Variants in FOCAD observed in about 807,000 individuals in gnomAD.
The protein encoded by FOCAD is KIAA1797.
A neutral mutation model predicts 225.6 loss-of-function variants in FOCAD; 198 were observed. The observed-to-expected ratio is 0.88, with a 90% confidence interval of 0.78 to 0.99. FOCAD has a LOEUF of 0.99. FOCAD is among the 50% of genes least tolerant of loss of function. The pLI, the probability that FOCAD is intolerant of heterozygous loss-of-function variation, is 0.00. For synonymous variants in FOCAD, 897 were observed against 755.0 expected (o/e 1.19, Z -3.08); for missense variants, 2,713 against 2,123.6 (o/e 1.28, Z -5.46).
chr9:20,821,764 G>C lies in FOCAD; in HGVS notation c.1793+693G>C, dbSNP rs139511705. On this transcript the variant is annotated intron_variant, in intron 14 of 43. Transcript: ENST00000338382. ...GTCCTGCAGTTTCATTTGTTGATCAGCCACTGCGTTGAATTCCTGGTAACG... is the reference window on the plus strand; with the variant it reads ...GTCCTGCAGTTTCATTTGTTGATCACCCACTGCGTTGAATTCCTGGTAACG... Among the ~76,000 whole-genome samples, 7 of 152,016 alleles carry C rather than the reference G, an allele frequency of 4.6e-5. No individual in the cohort carries two copies. In the East Asian group the frequency reaches 1.4e-3, roughly 29 times the overall value.
intron 4 of FOCAD, among the ~76,000 whole-genome samples, chr9:20,735,383 T>A (rs1354809001): frequency 6.6e-6 from 1 of 152,202 alleles, no homozygotes; most frequent in Non-Finnish European, 1.5e-5. Flanking sequence ...ATAGTCACAT[T>A]TGAAAAATAA....
intron 5 of FOCAD, among the ~76,000 whole-genome samples, chr9:20,749,686 C>A (rs933332087): frequency 6.6e-6 from 1 of 152,160 alleles, no homozygotes; most frequent in Non-Finnish European, 1.5e-5. Flanking sequence ...ATGGTGACTG[C>A]AGGCATTGTT....
intron 26 of FOCAD, among the ~76,000 whole-genome samples, chr9:20,928,414 T>A (rs888021596): frequency 2.0e-5 from 3 of 152,198 alleles, no homozygotes; most frequent in Admixed American, 2.0e-4. Context: ...AGAGAGCGAA[T>A]GGGCCTAGAA....
At chr9:20,827,079 T>G (rs550261242) in intron 15 of FOCAD, among the ~76,000 whole-genome samples, 1 of 152,150 alleles carries the variant, frequency 6.6e-6, no homozygotes, top group Admixed American at 6.6e-5. Context: ...ATTCATTTAA[T>G]GTATATAATT....
chr9:20,942,188 T>C (rs1171088022), intron 28 of FOCAD, among the ~76,000 whole-genome samples: 1 of 152,210 alleles, frequency 6.6e-6, no homozygotes, highest in African/African-American at 2.4e-5. Flanking sequence ...ATAGAATCGC[T>C]AGTGAATTAT....
At chr9:20,894,675 G>T (rs1037528307) in intron 21 of FOCAD, among the ~76,000 whole-genome samples, 1 of 152,010 alleles carries the variant, frequency 6.6e-6, no homozygotes, top group East Asian at 1.9e-4. Context: ...AAATCTGGTT[G>T]TTAGGTTTTT....
At chr9:20,808,088 T>C (rs900544821) in intron 11 of FOCAD, among the ~76,000 whole-genome samples, 2 of 152,074 alleles carry the variant, frequency 1.3e-5, no homozygotes, top group Admixed American at 6.6e-5. Context: ...TTATTGGTTT[T>C]ACTTAGCTGG....
intron 28 of FOCAD, among the ~76,000 whole-genome samples, chr9:20,941,284 A>G (rs1466896945): frequency 1.3e-5 from 2 of 152,314 alleles, no homozygotes; most frequent in East Asian, 1.9e-4. Context: ...GTGGTAGCTC[A>G]TTGTGCCATT....
chr9:20,820,912 C>A (rs1824250877), intron 13 of FOCAD, 29 bp from the exon 14 acceptor site: 9 of 1,601,764 alleles, frequency 5.6e-6, no homozygotes, highest in Non-Finnish European at 7.7e-6. Context: ...AGTTGGGAAA[C>A]TACCTTTTTT....
chr9:20,881,705 T>C (rs1306147490), intron 19 of FOCAD, among the ~76,000 whole-genome samples, 166 bp from the exon 20 acceptor site: 1 of 151,952 alleles, frequency 6.6e-6, no homozygotes, highest in African/African-American at 2.4e-5. Flanking sequence ...CATGTTCTAA[T>C]TTGGAGGAAG....
intron 39 of FOCAD, 21 bp from the exon 40 acceptor site, chr9:20,986,267 T>TTTTTTTTTTTTTTTTTTTTTTTTTG (rs1841150842): frequency 1.5e-6 from 1 of 655,858 alleles, no homozygotes; most frequent in African/African-American, 2.7e-5. Context: ...AACTAAACAA[T>TTTTTTTTTTTTTTTTTTTTTTTTTG]TTTTTTTTTT....
At chr9:20,978,239 A>G (rs1587769421) in intron 36 of FOCAD, 100 bp from the exon 37 acceptor site, 1 of 681,666 alleles carries the variant, frequency 1.5e-6, no homozygotes, top group East Asian at 3.1e-5. Context: ...GTTACCTGCA[A>G]AAGTCACATA....
intron 42 of FOCAD, among the ~76,000 whole-genome samples, chr9:20,990,973 C>T (rs1841619265): frequency 6.6e-6 from 1 of 152,176 alleles, no homozygotes; most frequent in African/African-American, 2.4e-5. Flanking sequence ...ATAGTATCAC[C>T]CTTGCCCTCA....
At chr9:20,776,013 T>C (rs112721747) in intron 8 of FOCAD, among the ~76,000 whole-genome samples, 2,169 of 152,210 alleles carry the variant, frequency 0.014, 51 homozygotes, top group African/African-American at 0.05. Flanking sequence ...AAGGCTTATA[T>C]GACTAGAGTT....
Position 20,907,257 on chromosome 9 carries a change from G to C in FOCAD, c.2718+15G>C. The C allele has an allele frequency of 6.2e-7, 1 of 1,605,858 alleles. No homozygotes were observed. Among genetic ancestry groups the C allele is most frequent in the East Asian group, 2.2e-5 (1 of 44,802 alleles). The stretch of plus-strand genomic sequence containing the variant: ...CCATTTTACAGGTAATGAAACCACA[G>C]GATAGGTTTGCTTTGGCGAAATGTC... On this transcript the variant is annotated intron_variant, in intron 22 of 43. Coordinates refer to ENST00000338382, the MANE Select transcript of FOCAD (RefSeq NM_001375567.1).
intron 15 of FOCAD, among the ~76,000 whole-genome samples, chr9:20,850,448 G>A (rs1404790847): frequency 2.0e-5 from 3 of 151,738 alleles, no homozygotes; most frequent in Non-Finnish European, 4.4e-5. Flanking sequence ...ATGGATGATG[G>A]TAGATATAAA....
At chr9:20,907,089 T>G in intron 21 of FOCAD, 61 bp from the exon 22 acceptor site, 1 of 1,330,480 alleles carries the variant, frequency 7.5e-7, no homozygotes, top group East Asian at 2.3e-5. Flanking sequence ...TGAAACAGTT[T>G]TAATTTTATT....
intron 8 of FOCAD, among the ~76,000 whole-genome samples, chr9:20,771,623 G>A (rs984345600): frequency 6.6e-6 from 1 of 152,110 alleles, no homozygotes; most frequent in Non-Finnish European, 1.5e-5. Context: ...AGCTGGGTGT[G>A]GTGTTGCATG....
At chr9:20,723,246 G>A (rs531570949) in intron 4 of FOCAD, among the ~76,000 whole-genome samples, 22 of 152,260 alleles carry the variant, frequency 1.4e-4, no homozygotes, top group Middle Eastern at 3.4e-3. Context: ...CCAATACTTC[G>A]GCAGGCCGAG....
Sources: allele counts gnomAD v4.1 joint callset (sites outside exome capture counted in the v4.1 genomes callset), GRCh38; gene constraint gnomAD v4.1.1; transcripts MANE v1.5; gene names NCBI Gene and HGNC (gene_info 2026-07-23, HGNC 2026-07-21).